The following NCKAP5 variants were observed in gnomAD, a reference collection of about 807,000 sequenced individuals.
NCKAP5 encodes nck-associated protein 5.
Under a neutral mutation model 167.0 loss-of-function variants are expected in NCKAP5, and 92 were observed. The ratio of observed to expected loss-of-function variants is 0.55; its 90% CI spans 0.47 to 0.66. NCKAP5 has a LOEUF of 0.66. NCKAP5 is among the 30% of genes least tolerant of loss of function. The pLI is 0.00. For synonymous variants in NCKAP5, 891 were observed against 877.4 expected (o/e 1.02, Z -0.27); for missense variants, 2,378 against 2,315.0 (o/e 1.03, Z -0.56).
intron 4 of NCKAP5, among the ~76,000 whole-genome samples, chr2:133,223,028 T>C (rs372953463): frequency 8.5e-5 from 13 of 152,082 alleles, no homozygotes; most frequent in South Asian, 2.1e-4. Flanking sequence ...CAGGAACACA[T>C]TGAATTCCAA....
chr2:133,494,442 A>C (rs926477742), intron 3 of NCKAP5, among the ~76,000 whole-genome samples: 2 of 152,106 alleles, frequency 1.3e-5, no homozygotes, highest in Admixed American at 6.6e-5. Flanking sequence ...AGTACTTCCC[A>C]GCCAGTTTCA....
At chr2:132,805,145 C>T (rs772737590) in intron 11 of NCKAP5, among the ~76,000 whole-genome samples, 55 of 152,124 alleles carry the variant, frequency 3.6e-4, no homozygotes, top group Non-Finnish European at 6.0e-4. Context: ...GAACACTTAT[C>T]GAGCTCTTTT....
intron 6 of NCKAP5, among the ~76,000 whole-genome samples, chr2:133,038,592 T>C (rs886286705): frequency 6.6e-6 from 1 of 152,130 alleles, no homozygotes; most frequent in African/African-American, 2.4e-5. Context: ...AATAACTTAA[T>C]TGCACATTTA....
intron 8 of NCKAP5, among the ~76,000 whole-genome samples, chr2:132,931,917 C>T (rs893292119): frequency 1.3e-5 from 2 of 152,132 alleles, no homozygotes; most frequent in African/African-American, 4.8e-5. Context: ...CTTGATAATG[C>T]TTTTAAGTAA....
intron 8 of NCKAP5, among the ~76,000 whole-genome samples, chr2:132,933,142 G>T (rs902070072): frequency 6.6e-6 from 1 of 152,008 alleles, no homozygotes; most frequent in Non-Finnish European, 1.5e-5. Flanking sequence ...AGCCAGGATG[G>T]TCTCGATCTT....
chr2:133,252,797 C>A (rs990607131), intron 4 of NCKAP5, among the ~76,000 whole-genome samples: 1 of 152,184 alleles, frequency 6.6e-6, no homozygotes, highest in Non-Finnish European at 1.5e-5. Context: ...AGTTATAGTG[C>A]ATGATGCCCA....
At chr2:133,024,409 A>C (rs1304425546) in intron 6 of NCKAP5, among the ~76,000 whole-genome samples, 2 of 152,192 alleles carry the variant, frequency 1.3e-5, no homozygotes, top group African/African-American at 4.8e-5. Context: ...AAAATGTAAT[A>C]CTCATTATGC....
At chr2:133,040,927 G>A (rs145769281) in intron 6 of NCKAP5, among the ~76,000 whole-genome samples, 5 of 152,180 alleles carry the variant, frequency 3.3e-5, no homozygotes, top group African/African-American at 1.2e-4. Context: ...TTAATTAAAA[G>A]TTATTGAATT....
At chr2:133,189,272 T>G (rs1268717880) in intron 5 of NCKAP5, among the ~76,000 whole-genome samples, 1 of 151,994 alleles carries the variant, frequency 6.6e-6, no homozygotes, top group Admixed American at 6.6e-5. Flanking sequence ...TAACAGGCTC[T>G]GAAATTGAGG....
the NCKAP5 span, among the ~76,000 whole-genome samples, chr2:133,620,671 C>T: frequency 2.0e-5 from 3 of 151,862 alleles, no homozygotes; most frequent in African/African-American, 4.8e-5. Flanking sequence ...ACAATGATAG[C>T]GGGGGACTTT....
chr2:132,778,578 GT>G (rs1336974305), intron 15 of NCKAP5, among the ~76,000 whole-genome samples: 1 of 152,062 alleles, frequency 6.6e-6, no homozygotes, highest in African/African-American at 2.4e-5. Flanking sequence ...TCAAACAGTG[GT>G]TTTATTTAGA....
intron 4 of NCKAP5, among the ~76,000 whole-genome samples, chr2:133,290,293 T>A (rs1444306041): frequency 2.6e-5 from 4 of 152,240 alleles, no homozygotes; most frequent in Non-Finnish European, 5.9e-5. Flanking sequence ...TCATCATGAA[T>A]TTTTAAAAAT....
chr2:133,013,031 T>C (rs1013728680), intron 6 of NCKAP5, among the ~76,000 whole-genome samples: 3 of 152,282 alleles, frequency 2.0e-5, no homozygotes, highest in African/African-American at 7.2e-5. Context: ...TTATTATGCT[T>C]TCCCTGGTGG....
intron 8 of NCKAP5, among the ~76,000 whole-genome samples, chr2:132,900,020 A>C (rs11883458): frequency 6.6e-6 from 1 of 152,036 alleles, no homozygotes; most frequent in South Asian, 2.1e-4. Context: ...CAGGAAATAC[A>C]TGGCCCAAGG....
intron 16 of NCKAP5, among the ~76,000 whole-genome samples, chr2:132,761,966 G>A (rs1304637266): frequency 6.6e-6 from 1 of 152,228 alleles, no homozygotes; most frequent in Non-Finnish European, 1.5e-5. Flanking sequence ...TCTGGTGCCT[G>A]AGAGGTGATC....
At position 132,780,392 on chromosome 2, in the gene NCKAP5, C is replaced by T. The variant is rs183614675; in HGVS notation, c.5049+660G>A. Among the ~76,000 whole-genome samples, 261 of 152,226 alleles carry T rather than the reference C, an allele frequency of 1.7e-3. 8 individuals are homozygous for T. The South Asian group carries it at 0.05, about 29-fold the overall frequency. ...GTCTCGATCTCCTGACCTTGTGATCCGCCCGCCTCAGCCTCCCAAAGTGCT... is the reference window on the plus strand; with the variant it reads ...GTCTCGATCTCCTGACCTTGTGATCTGCCCGCCTCAGCCTCCCAAAGTGCT... On this transcript the variant is annotated intron_variant, in intron 15 of 19. Transcript: ENST00000409261.
chr2:133,075,553 T>C (rs1192357326), intron 6 of NCKAP5, among the ~76,000 whole-genome samples: 4 of 152,194 alleles, frequency 2.6e-5, no homozygotes, highest in African/African-American at 9.7e-5. Context: ...GTGTAATACA[T>C]AATAACAGTT....
chr2:133,564,460 C>T (rs1688403419), intron 1 of NCKAP5, among the ~76,000 whole-genome samples: 1 of 151,888 alleles, frequency 6.6e-6, no homozygotes, highest in Non-Finnish European at 1.5e-5. Flanking sequence ...CTTAAGATTA[C>T]AAATTTGACA....
intron 19 of NCKAP5, among the ~76,000 whole-genome samples, chr2:132,705,912 T>A (rs1191550315): frequency 6.6e-6 from 1 of 152,172 alleles, no homozygotes; most frequent in East Asian, 1.9e-4. Context: ...GAGGATTTCA[T>A]TCTAATGTCC....
Sources: allele counts gnomAD v4.1 joint callset (sites outside exome capture counted in the v4.1 genomes callset), GRCh38; gene constraint gnomAD v4.1.1; transcripts MANE v1.5; gene names NCBI Gene and HGNC (gene_info 2026-07-23, HGNC 2026-07-21).